The following CDH13 variants were observed in gnomAD, a reference collection of about 807,000 sequenced individuals.
The protein encoded by CDH13 is cadherin 13.
Under a neutral mutation model 63.8 loss-of-function variants are expected in CDH13, and 24 were observed. The observed-to-expected ratio is 0.38, with a 90% CI of 0.27 to 0.53. The LOEUF is 0.53. Among genes scored for constraint, CDH13 ranks in the 20% least tolerant of loss-of-function variants. CDH13 has a pLI of 0.85. For missense variants in CDH13, 1,049 were observed against 903.1 expected (o/e 1.16, Z -2.07); for synonymous variants, 503 against 355.3 (o/e 1.42, Z -4.67).
chr16:83,659,379 C>G (rs376863460), intron 8 of CDH13, among the ~76,000 whole-genome samples: 4 of 151,064 alleles, frequency 2.6e-5, no homozygotes, highest in East Asian at 2.0e-4. Context: ...GTCCTCACCA[C>G]CAGGTCCCAT....
At chr16:83,206,777 G>C (rs2039195861) in intron 4 of CDH13, among the ~76,000 whole-genome samples, 1 of 152,218 alleles carries the variant, frequency 6.6e-6, no homozygotes, top group Non-Finnish European at 1.5e-5. Flanking sequence ...GGAGGAATTT[G>C]ACTTGGGGGG....
chr16:83,096,529 T>C (rs1053732674), intron 3 of CDH13, among the ~76,000 whole-genome samples: 3 of 152,216 alleles, frequency 2.0e-5, no homozygotes, highest in Non-Finnish European at 4.4e-5. Flanking sequence ...CCACATCTCC[T>C]GAGTATTTTA....
At chr16:83,381,919 C>A (rs1465531212) in intron 6 of CDH13, among the ~76,000 whole-genome samples, 1 of 152,176 alleles carries the variant, frequency 6.6e-6, no homozygotes, top group Admixed American at 6.5e-5. Flanking sequence ...TCATTCTGTG[C>A]AGAGCTCTGC....
At chr16:83,287,622 G>A (rs2089352137) in intron 5 of CDH13, among the ~76,000 whole-genome samples, 2 of 152,114 alleles carry the variant, frequency 1.3e-5, no homozygotes, top group South Asian at 4.1e-4. Flanking sequence ...TCTAGTTGCA[G>A]GAAACCAAGC....
At chr16:82,975,597 C>A (rs900399201) in intron 2 of CDH13, among the ~76,000 whole-genome samples, 1 of 152,290 alleles carries the variant, frequency 6.6e-6, no homozygotes, top group African/African-American at 2.4e-5. Flanking sequence ...AAATAATCAT[C>A]GTAATGATAC....
chr16:83,178,973 T>C (rs552430778), intron 4 of CDH13, among the ~76,000 whole-genome samples: 5 of 152,286 alleles, frequency 3.3e-5, no homozygotes, highest in South Asian at 2.1e-4. Flanking sequence ...ATGCAAAAAA[T>C]ATACACCTTG....
At chr16:83,199,114 G>T (rs1040045675) in intron 4 of CDH13, among the ~76,000 whole-genome samples, 4 of 152,214 alleles carry the variant, frequency 2.6e-5, no homozygotes, top group Non-Finnish European at 5.9e-5. Context: ...CTTCAAGTCA[G>T]AAGGTGCTGG....
chr16:83,301,750 A>T (rs1402005728), intron 5 of CDH13, among the ~76,000 whole-genome samples: 1 of 151,804 alleles, frequency 6.6e-6, no homozygotes, highest in African/African-American at 2.4e-5. Flanking sequence ...TCCTTCTTTG[A>T]TGTTCAAAAA....
intron 5 of CDH13, among the ~76,000 whole-genome samples, chr16:83,278,366 G>T (rs1440242034): frequency 6.6e-6 from 1 of 152,134 alleles, no homozygotes; most frequent in Admixed American, 6.6e-5. Context: ...CTAAGCAAAA[G>T]GCACCTTCTA....
At chr16:83,216,427 T>TATATATTTATATATATATATATATAA (rs2039524327) in intron 4 of CDH13, among the ~76,000 whole-genome samples, 1 of 45,056 alleles carries the variant, frequency 2.2e-5, no homozygotes, top group Non-Finnish European at 5.0e-5. Context: ...TATATATATA[T>TATATATTTATATATATATATATATAA]ATATATATAT....
intron 11 of CDH13, among the ~76,000 whole-genome samples, chr16:83,767,632 T>C (rs1291027799): frequency 1.3e-5 from 2 of 152,138 alleles, no homozygotes; most frequent in African/African-American, 4.8e-5. Flanking sequence ...ATAAACAACA[T>C]GGTCTATCCA....
intron 4 of CDH13, among the ~76,000 whole-genome samples, chr16:83,207,619 A>C: frequency 6.6e-6 from 1 of 152,208 alleles, no homozygotes. Flanking sequence ...TGGGTCACTT[A>C]GTAAAGATGA....
At position 83,797,391 on chromosome 16, in the gene CDH13, A is replaced by G. The variant is rs535417800; in HGVS notation, c.*2361A>G. ...GATTAACTTCGCTGAAAATTCAGAA[A>G]AATAGGAGTAAAGTGCACACTTCAT... On this transcript the variant is annotated 3_prime_UTR_variant, in exon 14 of 14. Coordinates refer to ENST00000567109, the MANE Select transcript of CDH13 (RefSeq NM_001257.5). The G allele has an allele frequency of 6.6e-4, 101 of 152,340 alleles. No individual in the cohort carries two copies. Among genetic ancestry groups the G allele is most frequent in the African/African-American group, 2.3e-3 (96 of 41,578 alleles). The allele number at this position is 152,340 out of a possible 1,614,324, so 9.4% of individuals were successfully genotyped here.
intron 7 of CDH13, among the ~76,000 whole-genome samples, chr16:83,554,908 T>A: frequency 6.8e-6 from 1 of 146,286 alleles, no homozygotes. Context: ...TGCAATGCCC[T>A]ACTGCTGAAT....
At chr16:83,636,640 C>T (rs12933346) in intron 8 of CDH13, among the ~76,000 whole-genome samples, 51,975 of 152,086 alleles carry the variant, frequency 0.34, 9,104 homozygotes, top group Middle Eastern at 0.43. Context: ...TAGTATTCCA[C>T]GGTGTTTTCT....
At chr16:82,788,749 G>T (rs2036145534) in intron 1 of CDH13, among the ~76,000 whole-genome samples, 1 of 152,214 alleles carries the variant, frequency 6.6e-6, no homozygotes, top group African/African-American at 2.4e-5. Flanking sequence ...GGTGCTTAGA[G>T]TGCCACATGA....
chr16:83,788,581 G>A lies in CDH13; in HGVS notation c.2134+5109G>A, dbSNP rs111344566. On this transcript the variant is annotated intron_variant, in intron 13 of 13. Transcript: ENST00000567109. Reference sequence around the variant, plus strand: ...GATCTACAGATGACAATCATCAGCAGGTTGCCAAGGATTTCCCACTTCTCA... The same window carrying A: ...GATCTACAGATGACAATCATCAGCAAGTTGCCAAGGATTTCCCACTTCTCA... 5.0e-3 allele frequency among the ~76,000 whole-genome samples: 753 copies of A among 152,098 alleles called. 5 individuals are homozygous for A. The highest frequency in any genetic ancestry group is 8.1e-3 in the Non-Finnish European group (553 of 68,004).
chr16:83,000,594 T>C (rs1912811431), intron 2 of CDH13, among the ~76,000 whole-genome samples: 1 of 150,154 alleles, frequency 6.7e-6, no homozygotes, highest in African/African-American at 2.5e-5. Context: ...TTTTTTTGTT[T>C]TGTTTTGTTT....
intron 2 of CDH13, among the ~76,000 whole-genome samples, chr16:82,981,736 G>A (rs919451826): frequency 6.6e-6 from 1 of 152,158 alleles, no homozygotes; most frequent in African/African-American, 2.4e-5. Context: ...CTCCTCACAT[G>A]GGATGCTCAC....
Sources: gnomAD v4.1 joint callset for allele counts (sites outside exome capture counted in the v4.1 genomes callset) on GRCh38, gnomAD v4.1.1 for gene constraint, MANE v1.5 for transcripts, NCBI Gene and HGNC (gene_info 2026-07-23, HGNC 2026-07-21) for gene names.